The following HIPK2 variants were observed in gnomAD, a reference collection of about 807,000 sequenced individuals.
HIPK2 encodes the protein homeodomain-interacting protein kinase 2.
Under a neutral mutation model 113.7 loss-of-function variants are expected in HIPK2, and 27 were observed. That is an observed-to-expected ratio of 0.24 (90% CI 0.17 to 0.33). The LOEUF (loss-of-function observed/expected upper bound fraction) is 0.33. HIPK2 is among the 10% of genes least tolerant of loss of function. The pLI, the probability that HIPK2 is intolerant of heterozygous loss-of-function variation, is 1.00. For synonymous variants in HIPK2, 631 were observed against 642.2 expected (o/e 0.98, Z 0.26); for missense variants, 1,257 against 1,588.0 (o/e 0.79, Z 3.54).
chr7:139,594,995 C>T (rs950958104), intron 12 of HIPK2, among the ~76,000 whole-genome samples: 1 of 152,160 alleles, frequency 6.6e-6, no homozygotes, highest in Admixed American at 6.5e-5. Flanking sequence ...CTTTGCGTTC[C>T]ACTCTCAGCC....
chr7:139,668,343 C>T (rs542226157), intron 2 of HIPK2, among the ~76,000 whole-genome samples: 6 of 152,030 alleles, frequency 3.9e-5, no homozygotes, highest in South Asian at 2.1e-4. Flanking sequence ...GGGTGGATCA[C>T]GAGGTCAGGA....
intron 13 of HIPK2, among the ~76,000 whole-genome samples, chr7:139,577,781 C>T (rs1018786938): frequency 1.7e-4 from 26 of 152,054 alleles, no homozygotes; most frequent in African/African-American, 5.3e-4. Context: ...AAGAGCCTGG[C>T]GCTGGGGCTG....
chr7:139,632,778 T>A (rs1255938340), intron 2 of HIPK2, among the ~76,000 whole-genome samples: 4 of 152,008 alleles, frequency 2.6e-5, no homozygotes, highest in Admixed American at 6.6e-5. Flanking sequence ...TATGTTTTTT[T>A]AAAAAAATAT....
chr7:139,678,798 G>C (rs2116694156), intron 2 of HIPK2, among the ~76,000 whole-genome samples: 1 of 152,282 alleles, frequency 6.6e-6, no homozygotes, highest in East Asian at 1.9e-4. Flanking sequence ...CATGAGCATG[G>C]AATGTTCTTC....
At chr7:139,664,801 G>T (rs550158318) in intron 2 of HIPK2, among the ~76,000 whole-genome samples, 285 of 152,214 alleles carry the variant, frequency 1.9e-3, no homozygotes, top group African/African-American at 6.6e-3. Context: ...TATTAATTCA[G>T]CCAAAGCAGA....
At chr7:139,684,206 A>C (rs1035159264) in intron 2 of HIPK2, among the ~76,000 whole-genome samples, 3 of 152,176 alleles carry the variant, frequency 2.0e-5, no homozygotes, top group Non-Finnish European at 4.4e-5. Context: ...GGCAAACTTA[A>C]TCAAACATGT....
At chr7:139,727,179 G>A (rs1795605342) in intron 1 of HIPK2, among the ~76,000 whole-genome samples, 1 of 152,158 alleles carries the variant, frequency 6.6e-6, no homozygotes, top group Non-Finnish European at 1.5e-5. Flanking sequence ...ATCCTCGGGG[G>A]CAGAGACATT....
chr7:139,717,118 A>G, intron 1 of HIPK2, 103 bp from the exon 2 acceptor site: 1 of 1,360,278 alleles, frequency 7.4e-7, no homozygotes, highest in East Asian at 2.5e-5. Flanking sequence ...GCCATACAGA[A>G]TATATTCCTC....
At chr7:139,703,209 A>T (rs969274491) in intron 2 of HIPK2, among the ~76,000 whole-genome samples, 1 of 152,180 alleles carries the variant, frequency 6.6e-6, no homozygotes, top group Non-Finnish European at 1.5e-5. Context: ...TTAAAAACGG[A>T]AAGTTCTATG....
At chr7:139,649,711 A>G (rs771955854) in intron 2 of HIPK2, among the ~76,000 whole-genome samples, 4 of 152,108 alleles carry the variant, frequency 2.6e-5, no homozygotes, top group Non-Finnish European at 4.4e-5. Context: ...GGGTCCCAGA[A>G]AACTTCTGGG....
intron 1 of HIPK2, among the ~76,000 whole-genome samples, chr7:139,717,676 T>G (rs1244910112): frequency 6.6e-6 from 1 of 152,200 alleles, no homozygotes; most frequent in Non-Finnish European, 1.5e-5. Flanking sequence ...CACTCACGCT[T>G]CCTGCTAAAT....
chr7:139,650,404 C>A (rs1030952360), intron 2 of HIPK2, among the ~76,000 whole-genome samples: 1 of 145,336 alleles, frequency 6.9e-6, no homozygotes, highest in South Asian at 2.2e-4. Flanking sequence ...CTGGGGAACA[C>A]AATAGTAAGT....
At chr7:139,626,163 C>T (rs1254518867) in intron 6 of HIPK2, among the ~76,000 whole-genome samples, 1 of 150,382 alleles carries the variant, frequency 6.6e-6, no homozygotes, top group Non-Finnish European at 1.5e-5. Context: ...AGTGCAATGG[C>T]GCGATCTCGG....
rs557445857 is a variant in HIPK2 at position 139,569,610 on chromosome 7, G to A, written c.*3317C>T. ...TCTAGAAAATGACAACCTTGATGGT[G>A]ACCATGTTGTCAGAAGCCCAATCAA... is the stretch of plus-strand genomic sequence containing the variant. On this transcript the variant is annotated 3_prime_UTR_variant, in exon 15 of 15. Transcript: ENST00000406875. 2.0e-4 allele frequency: 30 copies of A among 152,252 alleles called. No homozygotes were observed. Among genetic ancestry groups the A allele is most frequent in the African/African-American group, 7.0e-4 (29 of 41,538 alleles). 9.4% of individuals were successfully genotyped at this position (152,252 alleles called of 1,614,324 possible). A position where few individuals can be genotyped will look rare whatever the true frequency, so the allele number is the denominator to read the frequency against.
chr7:139,590,449 ATG>A (rs1283055571), intron 12 of HIPK2, among the ~76,000 whole-genome samples: 1 of 152,202 alleles, frequency 6.6e-6, no homozygotes, highest in Non-Finnish European at 1.5e-5. Flanking sequence ...CTTATCTGGA[ATG>A]TGTCTCTGAT....
At position 139,569,684 on chromosome 7, in the gene HIPK2, C is replaced by T. The variant is rs576033506; in HGVS notation, c.*3243G>A. ...TTGTTCTGTGGTGGATCTTTCTTGA[C>T]GTCTCTTGTTGGGATAGAGATGACA... On this transcript the variant is annotated 3_prime_UTR_variant, in exon 15 of 15. Coordinates refer to ENST00000406875, the MANE Select transcript of HIPK2 (RefSeq NM_022740.5). The T allele has an allele frequency of 2.6e-5, 4 of 151,954 alleles. No individual in the cohort carries two copies. In the East Asian group the frequency reaches 5.8e-4, roughly 22 times the overall value. 9.4% of individuals were successfully genotyped at this position (151,954 alleles called of 1,614,324 possible). A position where few individuals can be genotyped will look rare whatever the true frequency, so the allele number is the denominator to read the frequency against.
intron 12 of HIPK2, among the ~76,000 whole-genome samples, chr7:139,589,382 A>C (rs1798941062): frequency 6.6e-6 from 1 of 150,648 alleles, no homozygotes; most frequent in Admixed American, 6.6e-5. Context: ...TTAGGATCTG[A>C]GTAGTTTAGA....
chr7:139,671,140 A>T (rs1802277658), intron 2 of HIPK2, among the ~76,000 whole-genome samples: 2 of 152,152 alleles, frequency 1.3e-5, no homozygotes, highest in South Asian at 2.1e-4. Flanking sequence ...AAAACTCCAC[A>T]ACTGGAAACA....
chr7:139,630,728 C>G lies in HIPK2; in HGVS notation c.1347+437G>C, dbSNP rs1006376291. Among the ~76,000 whole-genome samples, 8 of 152,342 alleles carry G rather than the reference C, an allele frequency of 5.3e-5. 1 individual carries two copies. The South Asian group carries it at 1.7e-3, about 32-fold the overall frequency. On this transcript the variant is annotated intron_variant, in intron 4 of 14. Transcript: ENST00000406875. This position sits in a 1 kb window ranked among gnomAD's most constrained non-coding sequence, Gnocchi z 4.0. ...TCTTTAGGGCCCAGTTCAAATGCTC[C>G]TCCTTGCCCCTCTGCTGCAGGCAGA...
Sources: gnomAD v4.1 joint callset for allele counts (sites outside exome capture counted in the v4.1 genomes callset) on GRCh38, gnomAD v4.1.1 for gene constraint, Gnocchi (gnomAD v3.1) non-coding constraint, MANE v1.5 for transcripts, NCBI Gene and HGNC (gene_info 2026-07-23, HGNC 2026-07-21) for gene names.